The following PATJ variants were observed in gnomAD, a reference collection of about 807,000 sequenced individuals.
PATJ encodes inaD-like protein.
PATJ carries 190 observed loss-of-function variants against 224.9 expected under a neutral mutation model. That is an observed-to-expected ratio of 0.84 (90% CI 0.75 to 0.95). PATJ has a LOEUF of 0.95. Among genes scored for constraint, PATJ ranks in the 40% least tolerant of loss-of-function variants. The pLI is 0.00. For missense variants in PATJ, 2,121 were observed against 2,270.3 expected (o/e 0.93, Z 1.34); for synonymous variants, 769 against 820.3 (o/e 0.94, Z 1.07).
At chr1:62,110,609 T>G (rs1329214500) in intron 34 of PATJ, among the ~76,000 whole-genome samples, 1 of 152,202 alleles carries the variant, frequency 6.6e-6, no homozygotes, top group Non-Finnish European at 1.5e-5. Context: ...TGTGTCTCCT[T>G]TCTGGTTCTC....
intron 17 of PATJ, among the ~76,000 whole-genome samples, chr1:61,841,073 T>G (rs953273805): frequency 1.3e-5 from 2 of 152,174 alleles, no homozygotes; most frequent in Non-Finnish European, 2.9e-5. Context: ...AATTAATTTA[T>G]TGGCCTTTGT....
intron 27 of PATJ, among the ~76,000 whole-genome samples, chr1:61,987,503 C>T (rs1436445633): frequency 6.6e-6 from 1 of 152,028 alleles, no homozygotes; most frequent in South Asian, 2.1e-4. Context: ...AACCATCTTA[C>T]CCTATAAGTC....
At chr1:62,065,065 T>C (rs1214342542) in intron 31 of PATJ, among the ~76,000 whole-genome samples, 1 of 152,250 alleles carries the variant, frequency 6.6e-6, no homozygotes, top group Non-Finnish European at 1.5e-5. Flanking sequence ...TTATCTCTTG[T>C]ATTCCTGAAA....
chr1:62,106,158 G>GTGTGTATATATATATATATATATATA lies in PATJ; in HGVS notation c.4378-2278_4378-2277insGTGTATATATATATATATATATATAT, dbSNP rs1356937495. Reference sequence around the variant, plus strand: ...TACATGTGTATATGTGTGTGTGTGTGTATATATATATATATATATATATAT... The same window carrying GTGTGTATATATATATATATATATATA: ...TACATGTGTATATGTGTGTGTGTGTGTGTGTATATATATATATATATATATATATATATATATATATATATATATAT... On this transcript the variant is annotated intron_variant, in intron 33 of 43. Transcript: ENST00000642238. Among the ~76,000 whole-genome samples, 47 of 48,058 alleles carry GTGTGTATATATATATATATATATATA rather than the reference G, an allele frequency of 9.8e-4. 1 individual carries two copies. Among genetic ancestry groups the GTGTGTATATATATATATATATATATA allele is most frequent in the Admixed American group, 1.6e-3 (6 of 3,802 alleles). The allele number at this position is 48,058 out of a possible 152,430, so 31.5% of individuals were successfully genotyped here.
At chr1:62,005,417 G>GTTTTTT (rs533186698) in intron 28 of PATJ, among the ~76,000 whole-genome samples, 1 of 116,312 alleles carries the variant, frequency 8.6e-6, no homozygotes, top group African/African-American at 2.7e-5. Context: ...ATATGATGTG[G>GTTTTTT]TTTTTTTTTT....
At chr1:61,829,045 G>A (rs1212042634) in intron 16 of PATJ, among the ~76,000 whole-genome samples, 2 of 152,052 alleles carry the variant, frequency 1.3e-5, no homozygotes, top group Non-Finnish European at 2.9e-5. Context: ...AGTAACAGTC[G>A]GCTATGGCTG....
In PATJ at chr1:61,766,445, T is replaced by C; in HGVS notation, c.356T>C (p.Phe119Ser). ...ACCCCGAAGTTGGGAAATGAAGACT[T>C]TAACTCAGTCATTCAACAGATGGCT... ...PWTPKLGNED[F>S]NSVIQQMAQG... Residue 119 changes from phenylalanine to serine, a missense_variant, in exon 4 of 44, where the codon TTT (phenylalanine) becomes TCT (serine). Phe to Ser is a radical substitution (Grantham distance 155). Coordinates refer to ENST00000642238, the MANE Select transcript of PATJ (RefSeq NM_001350145.3). 1 of 1,604,598 alleles carries C rather than the reference T, an allele frequency of 6.2e-7. No homozygotes were observed.
intron 33 of PATJ, among the ~76,000 whole-genome samples, chr1:62,104,581 A>G (rs1662651804): frequency 6.6e-6 from 1 of 152,176 alleles, no homozygotes; most frequent in Non-Finnish European, 1.5e-5. Context: ...ATTAAACACA[A>G]AACAAACAAA....
chr1:61,846,479 A>C (rs1661976202), intron 17 of PATJ, among the ~76,000 whole-genome samples: 1 of 152,252 alleles, frequency 6.6e-6, no homozygotes, highest in Middle Eastern at 3.2e-3. Context: ...TTTCTTATTT[A>C]TAAATTCATA....
At chr1:61,859,126 A>C (rs1664156545) in intron 18 of PATJ, among the ~76,000 whole-genome samples, 1 of 152,174 alleles carries the variant, frequency 6.6e-6, no homozygotes, top group Non-Finnish European at 1.5e-5. Flanking sequence ...ATCCCAAACT[A>C]TTTGTGTCCT....
chr1:62,003,661 T>G (rs1011462554), intron 28 of PATJ, among the ~76,000 whole-genome samples: 9 of 152,202 alleles, frequency 5.9e-5, no homozygotes, highest in Non-Finnish European at 1.3e-4. Context: ...AGGAAAAAAT[T>G]AATGTGATAA....
At chr1:61,850,836 T>C (rs1404196945) in intron 17 of PATJ, among the ~76,000 whole-genome samples, 3 of 152,212 alleles carry the variant, frequency 2.0e-5, no homozygotes, top group Admixed American at 6.5e-5. Flanking sequence ...GAGAATTAAA[T>C]GGGTTCAAAT....
chr1:62,037,235 A>G (rs1420208100), intron 29 of PATJ, among the ~76,000 whole-genome samples: 1 of 152,198 alleles, frequency 6.6e-6, no homozygotes, highest in African/African-American at 2.4e-5. Context: ...GTTGTGCATC[A>G]TAATGGGTAT....
chr1:61,929,825 G>A (rs996994684), intron 27 of PATJ, among the ~76,000 whole-genome samples: 1 of 152,110 alleles, frequency 6.6e-6, no homozygotes, highest in Non-Finnish European at 1.5e-5. Context: ...TTCAAGACTA[G>A]CCTGACCAAC....
At chr1:61,875,219 A>G in intron 20 of PATJ, 24 bp from the exon 21 acceptor site, 2 of 1,502,258 alleles carry the variant, frequency 1.3e-6, no homozygotes, top group Non-Finnish European at 1.8e-6. Context: ...GTACTAATGC[A>G]TTTCTATTTT....
chr1:62,044,571 C>T (rs1051403538), intron 30 of PATJ, among the ~76,000 whole-genome samples: 4 of 152,154 alleles, frequency 2.6e-5, no homozygotes, highest in Non-Finnish European at 5.9e-5. Context: ...ATTGACAGGA[C>T]AGCCTAAATC....
chr1:61,889,485 C>T (rs1669294211), intron 22 of PATJ, among the ~76,000 whole-genome samples: 1 of 152,162 alleles, frequency 6.6e-6, no homozygotes, highest in Admixed American at 6.5e-5. Flanking sequence ...TGCCTGAAAC[C>T]ACAGACAGTA....
At chr1:61,932,898 G>A (rs1220867017) in intron 27 of PATJ, among the ~76,000 whole-genome samples, 5 of 151,898 alleles carry the variant, frequency 3.3e-5, no homozygotes, top group Admixed American at 2.0e-4. Context: ...GGCTCTGTCC[G>A]ACCCCCTCAA....
At chr1:61,939,913 A>T (rs1164756932) in intron 27 of PATJ, among the ~76,000 whole-genome samples, 3 of 151,632 alleles carry the variant, frequency 2.0e-5, no homozygotes, top group Admixed American at 2.0e-4. Context: ...ACCTCAGGTG[A>T]TCCGCCCGCC....
Sources: allele counts gnomAD v4.1 joint callset (sites outside exome capture counted in the v4.1 genomes callset), GRCh38; gene constraint gnomAD v4.1.1; transcripts MANE v1.5; gene names NCBI Gene and HGNC (gene_info 2026-07-23, HGNC 2026-07-21).